Variants in MGAT4A observed in about 807,000 individuals in gnomAD.
MGAT4A encodes the protein N-acetylglucosaminyltransferase IVa.
MGAT4A carries 33 observed loss-of-function variants against 74.1 expected under a neutral mutation model. The observed-to-expected ratio is 0.45, with a 90% CI of 0.34 to 0.60. MGAT4A has a LOEUF of 0.60. Ranked by LOEUF, MGAT4A falls within the 20% of genes least tolerant of loss-of-function variation. The pLI is 0.02. For synonymous variants in MGAT4A, 198 were observed against 210.4 expected (o/e 0.94, Z 0.51); for missense variants, 479 against 628.3 (o/e 0.76, Z 2.54).
rs2104205402 is a variant in MGAT4A, at chr2:98,623,459, C to T, written c.*2107G>A. 1 of 985,400 alleles carries T rather than the reference C, an allele frequency of 1.0e-6. No individual in the cohort carries two copies. 61.0% of individuals were successfully genotyped at this position (985,400 alleles called of 1,614,324 possible). A position where few individuals can be genotyped will look rare whatever the true frequency, so the allele number is the denominator to read the frequency against. ...CCTGCAGAGATTTTTACTTCTGGTACTCAGTTATCTTTGCAGTAATTTAGT... is the reference window on the plus strand; with the variant it reads ...CCTGCAGAGATTTTTACTTCTGGTATTCAGTTATCTTTGCAGTAATTTAGT... On this transcript the variant is annotated 3_prime_UTR_variant, in exon 16 of 16. Transcript: ENST00000393487.
chr2:98,662,917 T>C (rs971978288), intron 5 of MGAT4A, 129 bp downstream of exon 5: 2 of 622,676 alleles, frequency 3.2e-6, no homozygotes, highest in South Asian at 4.7e-5. Flanking sequence ...CCAGATAGAA[T>C]ATATTACCTA....
chr2:98,704,973 T>C (rs1028415811), intron 2 of MGAT4A, among the ~76,000 whole-genome samples: 1 of 152,106 alleles, frequency 6.6e-6, no homozygotes, highest in Non-Finnish European at 1.5e-5. Context: ...GGAACAAACA[T>C]CCCTTAAGGC....
At chr2:98,712,433 C>T (rs1702531111) in intron 2 of MGAT4A, among the ~76,000 whole-genome samples, 1 of 152,100 alleles carries the variant, frequency 6.6e-6, no homozygotes, top group African/African-American at 2.4e-5. Context: ...GCTGCTGACC[C>T]GACAACTGAA....
Position 98,632,217 on chromosome 2 carries a change from G to A in MGAT4A, c.1468+3005C>T, listed in dbSNP as rs556453763. Among the ~76,000 whole-genome samples the A allele has an allele frequency of 2.0e-4, 30 of 152,214 alleles. 1 individual carries two copies. The highest frequency in any genetic ancestry group is 1.9e-3 in the South Asian group (9 of 4,800). On this transcript the variant is annotated intron_variant, in intron 14 of 15. Transcript: ENST00000393487. ...AAACTAAAAGAGCACCCTGTAACAC[G>A]CGCCCACTGGGACCTCAGGAGCTGT...
chr2:98,645,809 G>A (rs1701476008), intron 8 of MGAT4A, among the ~76,000 whole-genome samples: 2 of 152,136 alleles, frequency 1.3e-5, no homozygotes, highest in Admixed American at 1.3e-4. Context: ...TAAGACAGCT[G>A]GAATGATGCT....
intron 2 of MGAT4A, among the ~76,000 whole-genome samples, chr2:98,704,436 T>C (rs553313777): frequency 2.0e-5 from 3 of 152,190 alleles, no homozygotes; most frequent in East Asian, 3.9e-4. Context: ...TGGCCCCATC[T>C]CTACCCTCCA....
Position 98,623,179 on chromosome 2 carries a change from A to G in MGAT4A, c.*2387T>C. The G allele has an allele frequency of 2.0e-6, 2 of 985,422 alleles. No homozygotes were observed. The highest frequency in any genetic ancestry group is 2.4e-6 in the Non-Finnish European group (2 of 829,954). 61.0% of individuals were successfully genotyped at this position (985,422 alleles called of 1,614,324 possible). A position where few individuals can be genotyped will look rare whatever the true frequency, so the allele number is the denominator to read the frequency against. On this transcript the variant is annotated 3_prime_UTR_variant, in exon 16 of 16. Transcript: ENST00000393487. ...CACAAAAAAGTCCTGGAATGATAGGAAAGATTTGGCTAAAAGGAGTCTTGG... is the reference window on the plus strand; with the variant it reads ...CACAAAAAAGTCCTGGAATGATAGGGAAGATTTGGCTAAAAGGAGTCTTGG...
rs767533067 is a variant in MGAT4A, at chr2:98,622,818, T to C, written c.*2748A>G. 4.1e-6 allele frequency: 4 copies of C among 985,500 alleles called. No individual in the cohort carries two copies. The highest frequency in any genetic ancestry group is 4.8e-6 in the Non-Finnish European group (4 of 830,096). The allele number at this position is 985,500 out of a possible 1,614,324, so 61.0% of individuals were successfully genotyped here. Reference sequence around the variant, plus strand: ...ATCAAAAACTAGACAACCGATTGTGTATGCAAGAGTATGGCAACGACAGCA... The same window carrying C: ...ATCAAAAACTAGACAACCGATTGTGCATGCAAGAGTATGGCAACGACAGCA... On this transcript the variant is annotated 3_prime_UTR_variant, in exon 16 of 16. Coordinates refer to ENST00000393487, the MANE Select transcript of MGAT4A (RefSeq NM_012214.3).
Position 98,619,830 on chromosome 2 carries a change from T to A in MGAT4A, c.*5736A>T, listed in dbSNP as rs181096059. The A allele has an allele frequency of 6.6e-6, 1 of 152,274 alleles. No homozygotes were observed. The highest frequency in any genetic ancestry group is 1.5e-5 in the Non-Finnish European group (1 of 68,004). 9.4% of individuals were successfully genotyped at this position (152,274 alleles called of 1,614,324 possible). A position where few individuals can be genotyped will look rare whatever the true frequency, so the allele number is the denominator to read the frequency against. ...CAAGTGACACATAAAATAGCCTCCC[T>A]AAAGTCCAAGAGTATTAAAATATTC... is the stretch of plus-strand genomic sequence containing the variant. On this transcript the variant is annotated 3_prime_UTR_variant, in exon 16 of 16. Transcript: ENST00000393487.
chr2:98,645,302 G>C, intron 9 of MGAT4A, 126 bp downstream of exon 9: 1 of 641,790 alleles, frequency 1.6e-6, no homozygotes, highest in Non-Finnish European at 2.6e-6. Context: ...CCTAACTTAA[G>C]TTTTCTCTAA....
rs1701074079 is a variant in MGAT4A, at chr2:98,622,368, G to A, written c.*3198C>T. 2.0e-6 allele frequency: 2 copies of A among 985,334 alleles called. No individual in the cohort carries two copies. Among genetic ancestry groups the A allele is most frequent in the Non-Finnish European group, 2.4e-6 (2 of 829,952 alleles). 61.0% of individuals were successfully genotyped at this position (985,334 alleles called of 1,614,324 possible). A position where few individuals can be genotyped will look rare whatever the true frequency, so the allele number is the denominator to read the frequency against. On this transcript the variant is annotated 3_prime_UTR_variant, in exon 16 of 16. Transcript: ENST00000393487. ...AGTACTTGGAATGTCACTAGTGTGTGTGATGGCAGAACCGGGTAAAAAAAT... is the reference window on the plus strand; with the variant it reads ...AGTACTTGGAATGTCACTAGTGTGTATGATGGCAGAACCGGGTAAAAAAAT...
At chr2:98,673,876 C>T (rs1701944054) in intron 4 of MGAT4A, among the ~76,000 whole-genome samples, 1 of 152,108 alleles carries the variant, frequency 6.6e-6, no homozygotes, top group African/African-American at 2.4e-5. Flanking sequence ...AATTAACAAT[C>T]AACATTCTAA....
chr2:98,664,629 A>C (rs978087133), intron 4 of MGAT4A, among the ~76,000 whole-genome samples: 1 of 152,230 alleles, frequency 6.6e-6, no homozygotes, highest in Non-Finnish European at 1.5e-5. Flanking sequence ...ATAACTTACA[A>C]GCTGCAATCC....
intron 2 of MGAT4A, among the ~76,000 whole-genome samples, chr2:98,722,455 T>C (rs1472716183): frequency 1.3e-5 from 2 of 152,176 alleles, no homozygotes; most frequent in East Asian, 3.9e-4. Flanking sequence ...TACTGTATGA[T>C]TACATTTATC....
At chr2:98,690,415 C>G (rs1702179897) in intron 2 of MGAT4A, among the ~76,000 whole-genome samples, 2 of 152,164 alleles carry the variant, frequency 1.3e-5, no homozygotes. Context: ...CCCTGCACAG[C>G]TGGAAGGAGG....
At chr2:98,659,361 A>C (rs1269595665) in intron 5 of MGAT4A, among the ~76,000 whole-genome samples, 1 of 152,130 alleles carries the variant, frequency 6.6e-6, no homozygotes, top group Admixed American at 6.5e-5. Flanking sequence ...TCCAGACATC[A>C]TCCTCCTCCT....
chr2:98,647,639 G>A (rs1344399711), intron 8 of MGAT4A, among the ~76,000 whole-genome samples: 3 of 152,100 alleles, frequency 2.0e-5, no homozygotes, highest in South Asian at 2.1e-4. Flanking sequence ...TTTCTTATGC[G>A]CTACCGTAAG....
chr2:98,717,733 G>A (rs143389872), intron 2 of MGAT4A, among the ~76,000 whole-genome samples: 4 of 152,232 alleles, frequency 2.6e-5, no homozygotes, highest in Non-Finnish European at 5.9e-5. Flanking sequence ...TTAATTTACT[G>A]TTTTACTGTT....
intron 6 of MGAT4A, 106 bp from the exon 7 acceptor site, chr2:98,656,571 G>T: frequency 1.4e-6 from 1 of 709,360 alleles, no homozygotes; most frequent in Non-Finnish European, 2.4e-6. Context: ...ATCATTTGTA[G>T]CAACGTATAA....
Sources: allele counts gnomAD v4.1 joint callset (sites outside exome capture counted in the v4.1 genomes callset), GRCh38; gene constraint gnomAD v4.1.1; transcripts MANE v1.5; gene names NCBI Gene and HGNC (gene_info 2026-07-23, HGNC 2026-07-21).